Variants in SERPINE2 observed in about 807,000 individuals in gnomAD.
The protein encoded by SERPINE2 is serpin family E member 2, also known as glia-derived nexin.
In SERPINE2, 14 loss-of-function variants were observed where a neutral mutation model predicts 36.3. The observed-to-expected ratio is 0.39, with a 90% CI of 0.25 to 0.60. The LOEUF (loss-of-function observed/expected upper bound fraction) is 0.60. Ranked by LOEUF, SERPINE2 falls within the 20% of genes least tolerant of loss-of-function variation. The pLI is 0.57. For synonymous variants in SERPINE2, 192 were observed against 191.8 expected (o/e 1.00, Z -0.01); for missense variants, 418 against 499.6 (o/e 0.84, Z 1.56).
At chr2:224,003,055 G>A (rs1285784547) in intron 1 of SERPINE2, among the ~76,000 whole-genome samples, 6 of 152,118 alleles carry the variant, frequency 3.9e-5, no homozygotes, top group Non-Finnish European at 7.4e-5. Flanking sequence ...GGTGCGGGGG[G>A]TGGTCATTAG....
chr2:223,999,813 G>A lies in SERPINE2; in HGVS notation c.260-1471C>T, dbSNP rs73992286. ...CCAGTTGCTATTTTGGAACTGTCTCGGCCGACACAGCCTGGATCACACTAG... is the reference window on the plus strand; with the variant it reads ...CCAGTTGCTATTTTGGAACTGTCTCAGCCGACACAGCCTGGATCACACTAG... On this transcript the variant is annotated intron_variant, in intron 2 of 8. Coordinates refer to ENST00000409304, the MANE Select transcript of SERPINE2 (RefSeq NM_001136528.2). Among the ~76,000 whole-genome samples, 1,250 of 152,218 alleles carry A rather than the reference G, an allele frequency of 8.2e-3. 11 individuals are homozygous for A. In the Middle Eastern group the frequency reaches 0.088, roughly 11 times the overall value.
At chr2:224,027,075 C>G (rs1692211792) in intron 1 of SERPINE2, among the ~76,000 whole-genome samples, 1 of 152,196 alleles carries the variant, frequency 6.6e-6, no homozygotes, top group Non-Finnish European at 1.5e-5. Flanking sequence ...TGGTGTTTAC[C>G]AGCTATGTGC....
At chr2:223,978,851 A>G (rs1184194282) in intron 7 of SERPINE2, 2 of 152,270 alleles carry the variant, frequency 1.3e-5, no homozygotes, top group Non-Finnish European at 2.9e-5. Context: ...ACGTAACTGT[A>G]TTTGGAGATA....
chr2:224,018,433 C>T (rs955297674), intron 1 of SERPINE2, among the ~76,000 whole-genome samples: 12 of 151,992 alleles, frequency 7.9e-5, no homozygotes, highest in African/African-American at 2.7e-4. Context: ...GGATGAAATA[C>T]CTCATATAGA....
chr2:224,004,997 T>TTA (rs71058974), intron 1 of SERPINE2, among the ~76,000 whole-genome samples: 27,760 of 133,198 alleles, frequency 0.21, 3,128 homozygotes, highest in Middle Eastern at 0.29. Flanking sequence ...TACATATATA[T>TTA]TATATATATG....
intron 3 of SERPINE2, among the ~76,000 whole-genome samples, chr2:223,993,530 A>ATGTGTGTGTGTGTG (rs36049464): frequency 4.2e-4 from 63 of 149,900 alleles, no homozygotes; most frequent in African/African-American, 1.4e-3. Context: ...GCTCAAATAT[A>ATGTGTGTGTGTGTG]TGTGTGTGTG....
At chr2:224,005,526 A>G (rs1305694694) in intron 1 of SERPINE2, among the ~76,000 whole-genome samples, 1 of 152,180 alleles carries the variant, frequency 6.6e-6, no homozygotes, top group Non-Finnish European at 1.5e-5. Flanking sequence ...TTCAGTAGCC[A>G]GGAGAGTGGG....
At chr2:224,024,455 T>C (rs1692117979) in intron 1 of SERPINE2, among the ~76,000 whole-genome samples, 1 of 152,230 alleles carries the variant, frequency 6.6e-6, no homozygotes, top group East Asian at 1.9e-4. Context: ...CTACAGTTGA[T>C]GCTAATGCCT....
intron 6 of SERPINE2, chr2:223,982,323 G>A (rs575894466): frequency 6.1e-6 from 1 of 164,222 alleles, no homozygotes; most frequent in Admixed American, 6.3e-5. Context: ...CTCAGAAGGA[G>A]GAGGGTGGGT....
At chr2:224,021,210 C>A (rs1691985734) in intron 1 of SERPINE2, among the ~76,000 whole-genome samples, 1 of 152,164 alleles carries the variant, frequency 6.6e-6, no homozygotes. Flanking sequence ...GATGGTTCAT[C>A]AAAGGGTGGG....
At chr2:223,986,404 C>T (rs931198616) in intron 4 of SERPINE2, among the ~76,000 whole-genome samples, 5 of 152,074 alleles carry the variant, frequency 3.3e-5, no homozygotes, top group Non-Finnish European at 7.4e-5. Context: ...TTGCGGCAAC[C>T]TAAGAATGAA....
At chr2:223,997,199 GGTTTTTTT>G (rs1049227732) in intron 3 of SERPINE2, among the ~76,000 whole-genome samples, 7 of 142,132 alleles carry the variant, frequency 4.9e-5, no homozygotes, top group Admixed American at 2.1e-4. Context: ...TACAAATTAA[GGTTTTTTT>G]GTTTTTTTGT....
intron 6 of SERPINE2, 43 bp from the exon 7 acceptor site, chr2:223,980,440 G>A (rs1205894155): frequency 1.9e-6 from 3 of 1,546,040 alleles, no homozygotes; most frequent in Non-Finnish European, 2.7e-6. Context: ...TGTTTGATAG[G>A]CAGGCCATTG....
intron 3 of SERPINE2, among the ~76,000 whole-genome samples, chr2:223,992,673 T>C (rs944227635): frequency 6.6e-6 from 1 of 152,174 alleles, no homozygotes; most frequent in African/African-American, 2.4e-5. Context: ...AGAGAGGATT[T>C]TGAATGTTCC....
chr2:224,014,807 T>C (rs1349361731), intron 1 of SERPINE2, among the ~76,000 whole-genome samples: 3 of 152,212 alleles, frequency 2.0e-5, no homozygotes, highest in African/African-American at 7.2e-5. Flanking sequence ...TCCCTTAATT[T>C]ATCCTACAAA....
chr2:223,977,099 A>G (rs1220851803), intron 8 of SERPINE2, among the ~76,000 whole-genome samples: 2 of 152,186 alleles, frequency 1.3e-5, no homozygotes, highest in Non-Finnish European at 2.9e-5. Context: ...TTCCCTAGCC[A>G]TGTGAAACTG....
chr2:224,009,433 G>A lies in SERPINE2; in HGVS notation c.-22-7511C>T, dbSNP rs570961499. On this transcript the variant is annotated intron_variant, in intron 1 of 8. Coordinates refer to ENST00000409304, the MANE Select transcript of SERPINE2 (RefSeq NM_001136528.2). Reference sequence around the variant, plus strand: ...GTACAGGCCGGGCACGGTGGCTCAAGCCCGTAACCCCAGCACTTTGGAAGG... The same window carrying A: ...GTACAGGCCGGGCACGGTGGCTCAAACCCGTAACCCCAGCACTTTGGAAGG... Among the ~76,000 whole-genome samples, 43 of 152,314 alleles carry A rather than the reference G, an allele frequency of 2.8e-4. No individual in the cohort carries two copies. The East Asian group carries it at 7.9e-3, about 28-fold the overall frequency.
chr2:223,980,662 G>C (rs762584831), intron 6 of SERPINE2: 16 of 329,438 alleles, frequency 4.9e-5, no homozygotes, highest in Non-Finnish European at 7.9e-5. Context: ...ATTCAATTCT[G>C]ATCACTAGAA....
chr2:224,005,355 C>A (rs2106170759), intron 1 of SERPINE2, among the ~76,000 whole-genome samples: 1 of 151,970 alleles, frequency 6.6e-6, no homozygotes, highest in South Asian at 2.1e-4. Context: ...TGCACTGGGA[C>A]AGTGTTAGAG....
Sources: gnomAD v4.1 joint callset for allele counts (sites outside exome capture counted in the v4.1 genomes callset) on GRCh38, gnomAD v4.1.1 for gene constraint, MANE v1.5 for transcripts, NCBI Gene and HGNC (gene_info 2026-07-23, HGNC 2026-07-21) for gene names.